The following FOXR1 variants were observed in gnomAD, a reference collection of about 807,000 sequenced individuals.
The protein encoded by FOXR1 is forkhead box protein R1.
Under a neutral mutation model 34.5 loss-of-function variants are expected in FOXR1, and 25 were observed. The ratio of observed to expected loss-of-function variants is 0.72; its 90% CI spans 0.53 to 1.01. FOXR1 has a LOEUF of 1.01. FOXR1 is among the 50% of genes least tolerant of loss of function. The pLI is 0.00. For missense variants in FOXR1, 373 were observed against 376.2 expected (o/e 0.99, Z 0.07); for synonymous variants, 153 against 141.6 (o/e 1.08, Z -0.57).
At chr11:118,973,973 C>G (rs572778373) in intron 1 of FOXR1, among the ~76,000 whole-genome samples, 2 of 152,258 alleles carry the variant, frequency 1.3e-5, no homozygotes, top group Non-Finnish European at 2.9e-5. Context: ...GCTGGGATTA[C>G]AGGTGTGAGC....
chr11:118,980,788 G>A lies in FOXR1; in HGVS notation c.850+60G>A. On this transcript the variant is annotated intron_variant, in intron 5 of 5. Coordinates refer to ENST00000317011, the MANE Select transcript of FOXR1 (RefSeq NM_181721.3). ...AGAGACCTGAGGATCCTGACCCAAG[G>A]CCAAGTGTGGAAGCCTGGGTCACAC... is the stretch of plus-strand genomic sequence containing the variant. 3.3e-6 allele frequency: 5 copies of A among 1,511,904 alleles called. 1 individual carries two copies. In the South Asian group the frequency reaches 6.0e-5, roughly 18 times the overall value. 93.7% of individuals were successfully genotyped at this position (1,511,904 alleles called of 1,614,324 possible).
Position 118,979,162 on chromosome 11 carries a change from T to G in FOXR1, c.342T>G (p.Ser114=). The part of the protein sequence containing the change: ...ESLSQSSSKR[S]PPRKRFAFSP... ...TGTCCCAGTCCTCCAGCAAGCGGTC[T>G]CCCCCTCGGAAGCGGTTTGCCTTTT... Residue 114 remains serine (S), a synonymous_variant, in exon 3 of 6, where the codon TCT becomes TCG. Coordinates refer to ENST00000317011, the MANE Select transcript of FOXR1 (RefSeq NM_181721.3). 1 of 1,553,494 alleles carries G rather than the reference T, an allele frequency of 6.4e-7. No homozygotes were observed. The highest frequency in any genetic ancestry group is 8.7e-7 in the Non-Finnish European group (1 of 1,153,712).
intron 1 of FOXR1, among the ~76,000 whole-genome samples, chr11:118,977,958 G>T (rs1941799488): frequency 6.6e-6 from 1 of 152,092 alleles, no homozygotes; most frequent in African/African-American, 2.4e-5. Context: ...GGTGGCTCAA[G>T]CCTGTAATCC....
intron 1 of FOXR1, among the ~76,000 whole-genome samples, chr11:118,974,874 C>T (rs1379162816): frequency 1.3e-5 from 2 of 152,076 alleles, no homozygotes; most frequent in East Asian, 3.9e-4. Flanking sequence ...GATAGAGTTG[C>T]CTTGTACTGA....
At position 118,978,981 on chromosome 11, in the gene FOXR1, G is replaced by A. The variant is rs1196049938; in HGVS notation, c.161G>A (p.Trp54Ter). 2.5e-6 allele frequency: 4 copies of A among 1,604,424 alleles called. No homozygotes were observed. Among genetic ancestry groups the A allele is most frequent in the Non-Finnish European group, 3.4e-6 (4 of 1,174,232 alleles). ...KDGPDYEPNL[W>*]MWVNPNIVYP... ...GGTCCAGATTATGAGCCCAACCTCT[G>A]GATGTGGGTAAATCCCAACATTGTG... The change falls in exon 3 of 6, where the codon TGG becomes TAG. Residue 54 changes from tryptophan (W) to a stop codon, truncating the protein, a stop_gained. Coordinates refer to ENST00000317011, the MANE Select transcript of FOXR1 (RefSeq NM_181721.3). LOFTEE classifies it high-confidence loss of function.
chr11:118,979,107 G>A lies in FOXR1; in HGVS notation c.287G>A (p.Ser96Asn). 1 of 1,607,516 alleles carries A rather than the reference G, an allele frequency of 6.2e-7. No homozygotes were observed. The highest frequency in any genetic ancestry group is 8.5e-7 in the Non-Finnish European group (1 of 1,177,208). ...SQPPQKEEDA[S>N]CSEAAGVESL... ...CCACCCCAGAAGGAGGAAGATGCCA[G>A]CTGCTCAGAGGCCGCAGGGGTGGAA... is the stretch of plus-strand genomic sequence containing the variant. Residue 96 changes from serine to asparagine, a missense_variant, in exon 3 of 6, where the codon AGC becomes AAC. Coordinates refer to ENST00000317011, the MANE Select transcript of FOXR1 (RefSeq NM_181721.3).
chr11:118,979,362 G>C, intron 3 of FOXR1, 80 bp from the exon 4 acceptor site: 1 of 1,492,272 alleles, frequency 6.7e-7, no homozygotes, highest in Non-Finnish European at 9.0e-7. Context: ...GGTGGCCTTA[G>C]ACCACCCCCC....
intron 5 of FOXR1, 52 bp downstream of exon 5, chr11:118,980,780 G>A (rs1941851678): frequency 1.3e-6 from 2 of 1,546,192 alleles, no homozygotes; most frequent in Non-Finnish European, 1.8e-6. Context: ...TGAGGATCCT[G>A]ACCCAAGGCC....
At chr11:118,979,796 G>A in intron 4 of FOXR1, 128 bp downstream of exon 4, 1 of 756,202 alleles carries the variant, frequency 1.3e-6, no homozygotes, top group Non-Finnish European at 2.1e-6. Flanking sequence ...GGACAAGTAT[G>A]TTCCCAGTTC....
chr11:118,973,361 G>A (rs1941738957), intron 1 of FOXR1, among the ~76,000 whole-genome samples: 3 of 152,282 alleles, frequency 2.0e-5, no homozygotes, highest in Admixed American at 2.0e-4. Context: ...GGAAAGAACA[G>A]GAGAAGGAGA....
Position 118,976,199 on chromosome 11 carries a change from C to G in FOXR1, c.62-2583C>G, listed in dbSNP as rs147776049. 1.5e-4 allele frequency among the ~76,000 whole-genome samples: 19 copies of G among 130,676 alleles called. No homozygotes were observed. The East Asian group carries it at 3.0e-3, about 20-fold the overall frequency. 85.7% of individuals were successfully genotyped at this position (130,676 alleles called of 152,430 possible). On this transcript the variant is annotated intron_variant, in intron 1 of 5. Transcript: ENST00000317011. Reference sequence around the variant, plus strand: ...GAAGAGTTCAATAAATAGCAAAGATCATGTTTTTGTTTTTGAAGCAAGGTC... The same window carrying G: ...GAAGAGTTCAATAAATAGCAAAGATGATGTTTTTGTTTTTGAAGCAAGGTC...
chr11:118,980,077 A>G (rs1421322789), intron 4 of FOXR1, among the ~76,000 whole-genome samples: 1 of 152,072 alleles, frequency 6.6e-6, no homozygotes, highest in Non-Finnish European at 1.5e-5. Flanking sequence ...CCCAGTTGAG[A>G]AGGATTTTCC....
chr11:118,977,891 A>G (rs1254739256), intron 1 of FOXR1, among the ~76,000 whole-genome samples: 1 of 152,094 alleles, frequency 6.6e-6, no homozygotes, highest in Non-Finnish European at 1.5e-5. Flanking sequence ...GTTCGAGACC[A>G]GCCCAGGCAA....
chr11:118,972,018 G>A, intron 1 of FOXR1, 26 bp downstream of exon 1: 2 of 1,467,336 alleles, frequency 1.4e-6, no homozygotes, highest in Non-Finnish European at 1.8e-6. Flanking sequence ...GGTGAGGTGG[G>A]GGGCTGGGCG....
chr11:118,973,291 A>C (rs1394239890), intron 1 of FOXR1, among the ~76,000 whole-genome samples: 1 of 152,202 alleles, frequency 6.6e-6, no homozygotes, highest in Non-Finnish European at 1.5e-5. Context: ...CAGATAATCC[A>C]CAGAAGTATA....
At position 118,978,845 on chromosome 11, in the gene FOXR1, C is replaced by G. The variant is rs1941809947; in HGVS notation, c.125C>G (p.Pro42Arg). Residue 42 changes from proline (P) to arginine (R), a missense_variant, in exon 2 of 6, where the codon CCT becomes CGT. Transcript: ENST00000317011. ...PKLPLEKKPNPDKDGPDYEPN... is the reference protein window; with the variant it reads ...PKLPLEKKPNRDKDGPDYEPN... ...TTACCCCTAGAGAAAAAACCCAACC[C>G]TGATAAGGATGGTACGTATTGAGTT... The G allele has an allele frequency of 1.2e-6, 2 of 1,614,218 alleles. No individual in the cohort carries two copies. Among genetic ancestry groups the G allele is most frequent in the Non-Finnish European group, 1.7e-6 (2 of 1,180,046 alleles).
In FOXR1 at chr11:118,979,187, T is replaced by C; in HGVS notation, c.367T>C (p.Ser123Pro). The C allele has an allele frequency of 6.5e-7, 1 of 1,528,820 alleles. No individual in the cohort carries two copies. The highest frequency in any genetic ancestry group is 8.8e-7 in the Non-Finnish European group (1 of 1,141,818). 94.7% of individuals were successfully genotyped at this position (1,528,820 alleles called of 1,614,324 possible). Residue 123 changes from serine to proline, a missense_variant, in exon 3 of 6, where the codon TCC becomes CCC. Physicochemically the swap from Ser to Pro is moderately conservative, Grantham distance 74. Coordinates refer to ENST00000317011, the MANE Select transcript of FOXR1 (RefSeq NM_181721.3). Reference protein sequence around the residue: ...RSPPRKRFAFSPSTWELTEEE... With the variant: ...RSPPRKRFAFPPSTWELTEEE... ...TCCCCCTCGGAAGCGGTTTGCCTTT[T>C]CCCCCAGCACCTGGGAGGTATGCAT...
rs782152027 is a variant in FOXR1 at position 118,980,560 on chromosome 11, C to T, written c.682C>T (p.Arg228Ter). 1.2e-5 allele frequency: 20 copies of T among 1,614,152 alleles called. No individual in the cohort carries two copies. The highest frequency in any genetic ancestry group is 2.2e-5 in the South Asian group (2 of 91,092). ...TACTGTCCGTCACAATCTCTGTTTT[C>T]GAGACAGCTTTGAGAAAGTGCCTGT... The part of the protein sequence containing the change: ...KNTVRHNLCF[R>*]DSFEKVPVSM... Residue 228 changes from arginine to a stop codon, truncating the protein, a stop_gained, in exon 5 of 6, where the codon CGA becomes TGA. Transcript: ENST00000317011. LOFTEE classifies it high-confidence loss of function.
rs1398591105 is a variant in FOXR1 at position 118,971,894 on chromosome 11, G to C, written c.-38G>C. On this transcript the variant is annotated 5_prime_UTR_variant, in exon 1 of 6. Coordinates refer to ENST00000317011, the MANE Select transcript of FOXR1 (RefSeq NM_181721.3). Reference sequence around the variant, plus strand: ...CTCCAACACCTCGACTTCTGGGCCCGCCTCCATGGCCAGGTCCCGGGACTG... The same window carrying C: ...CTCCAACACCTCGACTTCTGGGCCCCCCTCCATGGCCAGGTCCCGGGACTG... 1.3e-6 allele frequency: 2 copies of C among 1,551,090 alleles called. No homozygotes were observed. The highest frequency in any genetic ancestry group is 2.4e-5 in the South Asian group (2 of 84,130).
Sources: allele counts gnomAD v4.1 joint callset (sites outside exome capture counted in the v4.1 genomes callset), GRCh38; gene constraint gnomAD v4.1.1; transcripts MANE v1.5; gene names NCBI Gene and HGNC (gene_info 2026-07-23, HGNC 2026-07-21).